Variants in KCNT2 observed in about 807,000 individuals in gnomAD.
KCNT2 encodes the protein potassium sodium-activated channel subfamily T member 2.
A neutral mutation model predicts 153.8 loss-of-function variants in KCNT2; 67 were observed. The observed-to-expected ratio is 0.44, with a 90% CI of 0.36 to 0.53. The LOEUF is 0.53. Ranked by LOEUF, KCNT2 falls within the 20% of genes least tolerant of loss-of-function variation. The pLI, the probability that KCNT2 is intolerant of heterozygous loss-of-function variation, is 0.00. For missense variants in KCNT2, 975 were observed against 1,354.8 expected, an observed-to-expected ratio of 0.72 and a Z score of 4.40; for synonymous variants, 500 against 458.8, an observed-to-expected ratio of 1.09 and a Z score of -1.15.
At chr1:196,542,529 T>A (rs1364925808) in intron 1 of KCNT2, among the ~76,000 whole-genome samples, 2 of 152,160 alleles carry the variant, frequency 1.3e-5, no homozygotes, top group Non-Finnish European at 2.9e-5. Context: ...CTTTCTACAG[T>A]ACACCTTTCT....
chr1:196,232,968 A>C (rs1654087809), intron 27 of KCNT2, among the ~76,000 whole-genome samples: 1 of 151,414 alleles, frequency 6.6e-6, no homozygotes, highest in Admixed American at 6.6e-5. Context: ...AGGTATAAGA[A>C]GGCTGGAATT....
At chr1:196,576,870 AT>A (rs1215284533) in intron 1 of KCNT2, among the ~76,000 whole-genome samples, 1 of 152,130 alleles carries the variant, frequency 6.6e-6, no homozygotes, top group African/African-American at 2.4e-5. Context: ...TATCTTGCCT[AT>A]ACTTATTTAA....
chr1:196,438,409 T>G (rs1674920596), intron 8 of KCNT2, among the ~76,000 whole-genome samples: 1 of 151,886 alleles, frequency 6.6e-6, no homozygotes, highest in Admixed American at 6.6e-5. Flanking sequence ...AATGAGTAGC[T>G]ATAATCTTGT....
intron 8 of KCNT2, among the ~76,000 whole-genome samples, chr1:196,455,424 GGAGTGAAGTAA>G (rs1676576955): frequency 2.0e-5 from 3 of 151,842 alleles, no homozygotes; most frequent in Admixed American, 2.0e-4. Flanking sequence ...CTTTGTCTTT[GGAGTGAAGTAA>G]TTTTAGCACT....
intron 9 of KCNT2, among the ~76,000 whole-genome samples, chr1:196,429,252 T>C (rs1673923706): frequency 1.3e-5 from 2 of 152,132 alleles, no homozygotes; most frequent in Admixed American, 6.6e-5. Context: ...AATTTATTTC[T>C]TTGATCTATC....
intron 14 of KCNT2, among the ~76,000 whole-genome samples, chr1:196,371,939 G>A (rs1227320667): frequency 1.3e-5 from 2 of 151,964 alleles, no homozygotes; most frequent in Non-Finnish European, 2.9e-5. Flanking sequence ...AAGACGTTAC[G>A]GAAAAATAAT....
intron 14 of KCNT2, among the ~76,000 whole-genome samples, chr1:196,372,588 C>T (rs1668629765): frequency 1.3e-5 from 2 of 151,956 alleles, no homozygotes; most frequent in Admixed American, 1.3e-4. Flanking sequence ...AAAAAAGGTT[C>T]TAATGGTACA....
chr1:196,606,183 T>C (rs1665302471), intron 1 of KCNT2, among the ~76,000 whole-genome samples: 1 of 152,176 alleles, frequency 6.6e-6, no homozygotes, highest in Non-Finnish European at 1.5e-5. Context: ...TTTTATAAGG[T>C]AGACAGTATA....
At chr1:196,493,220 A>G (rs1004449692) in intron 1 of KCNT2, among the ~76,000 whole-genome samples, 3 of 152,054 alleles carry the variant, frequency 2.0e-5, no homozygotes, top group African/African-American at 7.2e-5. Flanking sequence ...AAAACAGCTA[A>G]GAATGGATTT....
At chr1:196,416,544 T>G (rs1416041614) in intron 12 of KCNT2, among the ~76,000 whole-genome samples, 1 of 152,072 alleles carries the variant, frequency 6.6e-6, no homozygotes, top group South Asian at 2.1e-4. Context: ...TCTACCAAAC[T>G]TTTCACGGCT....
chr1:196,459,958 T>A (rs1378298910), intron 8 of KCNT2, among the ~76,000 whole-genome samples: 1 of 151,808 alleles, frequency 6.6e-6, no homozygotes, highest in Non-Finnish European at 1.5e-5. Context: ...TAAAGCCTTC[T>A]TTTCTCAAAA....
At chr1:196,587,874 G>A (rs1662877855) in intron 1 of KCNT2, among the ~76,000 whole-genome samples, 1 of 151,964 alleles carries the variant, frequency 6.6e-6, no homozygotes, top group African/African-American at 2.4e-5. Flanking sequence ...AAATTATCCT[G>A]CTTATATACT....
chr1:196,335,781 T>G (rs1664965542), intron 16 of KCNT2, among the ~76,000 whole-genome samples: 2 of 152,084 alleles, frequency 1.3e-5, no homozygotes, highest in Admixed American at 1.3e-4. Flanking sequence ...GCATTCACCC[T>G]TTGATCACCA....
chr1:196,534,232 CTA>C (rs1190862234), intron 1 of KCNT2, among the ~76,000 whole-genome samples: 1 of 152,066 alleles, frequency 6.6e-6, no homozygotes, highest in Non-Finnish European at 1.5e-5. Flanking sequence ...TGAAAAATAA[CTA>C]TTTTCAGTAT....
chr1:196,408,613 A>C (rs1672029859), intron 12 of KCNT2, among the ~76,000 whole-genome samples: 1 of 151,554 alleles, frequency 6.6e-6, no homozygotes, highest in Non-Finnish European at 1.5e-5. Flanking sequence ...CATTTTCATC[A>C]TAATTTTTCT....
At chr1:196,531,606 T>C (rs995355858) in intron 1 of KCNT2, among the ~76,000 whole-genome samples, 2 of 152,106 alleles carry the variant, frequency 1.3e-5, no homozygotes, top group Admixed American at 6.6e-5. Flanking sequence ...ATAACCATTA[T>C]TATCATACAA....
At chr1:196,338,864 G>A (rs1381002486) in intron 16 of KCNT2, among the ~76,000 whole-genome samples, 1 of 141,722 alleles carries the variant, frequency 7.1e-6, no homozygotes, top group Non-Finnish European at 1.5e-5. Flanking sequence ...TTTGGTTAAT[G>A]ATGAGGTATG....
chr1:196,286,689 T>A (rs1391045848), intron 22 of KCNT2, among the ~76,000 whole-genome samples: 1 of 151,620 alleles, frequency 6.6e-6, no homozygotes, highest in Non-Finnish European at 1.5e-5. Flanking sequence ...TTTGAATGCT[T>A]ACGAGTTGGG....
intron 12 of KCNT2, among the ~76,000 whole-genome samples, chr1:196,414,903 G>A (rs1194869161): frequency 6.6e-6 from 1 of 151,876 alleles, no homozygotes; most frequent in Non-Finnish European, 1.5e-5. Flanking sequence ...CACTGGCTGT[G>A]TACTGGAAGC....
Sources: allele counts gnomAD v4.1 joint callset (sites outside exome capture counted in the v4.1 genomes callset), GRCh38; gene constraint gnomAD v4.1.1; transcripts MANE v1.5; gene names NCBI Gene and HGNC (gene_info 2026-07-23, HGNC 2026-07-21).